PSD3: variants seen among roughly 807,000 people sequenced by gnomAD.
PSD3 encodes the protein PH and SEC7 domain-containing protein 3.
In PSD3, 49 loss-of-function variants were observed where a neutral mutation model predicts 105.5. That is an observed-to-expected ratio of 0.46 (90% CI 0.37 to 0.59). The LOEUF (loss-of-function observed/expected upper bound fraction) is 0.59, where lower values mean the gene tolerates loss of function less well. Among genes scored for constraint, PSD3 ranks in the 20% least tolerant of loss-of-function variants. The probability of loss-of-function intolerance (pLI) is 0.00; values close to 1 mark genes in which losing one functional copy is unlikely to be tolerated. For synonymous variants in PSD3, 557 were observed against 457.8 expected, an observed-to-expected ratio of 1.22 and a Z score of -2.77; for missense variants, 1,561 against 1,263.8, an observed-to-expected ratio of 1.24 and a Z score of -3.57.
At chr8:18,694,100 T>C (rs1389658939) in intron 9 of PSD3, among the ~76,000 whole-genome samples, 1 of 152,164 alleles carries the variant, frequency 6.6e-6, no homozygotes, top group Non-Finnish European at 1.5e-5. Context: ...GTGTTTTGTT[T>C]CAGTGACAAA....
intron 12 of PSD3, among the ~76,000 whole-genome samples, chr8:18,583,496 A>T (rs1802955461): frequency 6.6e-6 from 1 of 152,164 alleles, no homozygotes; most frequent in African/African-American, 2.4e-5. Context: ...AACTGCTCTA[A>T]GATAAAGTCT....
intron 12 of PSD3, among the ~76,000 whole-genome samples, chr8:18,599,566 CCCCCAGTGGA>C (rs1804283407): frequency 6.6e-6 from 1 of 152,142 alleles, no homozygotes; most frequent in Non-Finnish European, 1.5e-5. Flanking sequence ...TATTCTAAGA[CCCCCAGTGGA>C]CGCCTGAAAT....
intron 10 of PSD3, among the ~76,000 whole-genome samples, chr8:18,647,468 T>A (rs537355048): frequency 3.1e-4 from 47 of 152,330 alleles, no homozygotes; most frequent in Admixed American, 1.6e-3. Context: ...TATTCCACGA[T>A]GCAAAGTTGT....
At chr8:18,773,780 C>G (rs1355088635) in intron 8 of PSD3, among the ~76,000 whole-genome samples, 1 of 152,104 alleles carries the variant, frequency 6.6e-6, no homozygotes, top group African/African-American at 2.4e-5. Flanking sequence ...CATTTCTTTA[C>G]ATACATATAC....
chr8:18,722,568 C>T (rs1458174760), intron 9 of PSD3, among the ~76,000 whole-genome samples: 1 of 152,140 alleles, frequency 6.6e-6, no homozygotes, highest in Non-Finnish European at 1.5e-5. Context: ...ATTTCCTCCC[C>T]CTTCATTTCC....
At chr8:18,816,798 G>C (rs980176355) in intron 4 of PSD3, among the ~76,000 whole-genome samples, 15 of 152,074 alleles carry the variant, frequency 9.9e-5, no homozygotes, top group African/African-American at 3.4e-4. Flanking sequence ...GTAAATATTA[G>C]GTCTAATAAA....
intron 11 of PSD3, among the ~76,000 whole-genome samples, chr8:18,624,689 A>AG (rs1806355218): frequency 6.6e-6 from 1 of 151,244 alleles, no homozygotes; most frequent in African/African-American, 2.4e-5. Context: ...AGTATTAAAA[A>AG]AAAAAGAATA....
At chr8:18,810,162 T>C (rs1053740292) in intron 4 of PSD3, among the ~76,000 whole-genome samples, 31 of 152,328 alleles carry the variant, frequency 2.0e-4, no homozygotes, top group African/African-American at 7.5e-4. Context: ...CCAAATTCTG[T>C]GAACTCTTAG....
chr8:18,626,753 T>C (rs1806510773), intron 11 of PSD3, among the ~76,000 whole-genome samples: 2 of 152,214 alleles, frequency 1.3e-5, no homozygotes, highest in South Asian at 2.1e-4. Flanking sequence ...AGCAGCCAAA[T>C]AGTTAGATAA....
At chr8:18,979,188 T>C (rs991320478) in intron 1 of PSD3, among the ~76,000 whole-genome samples, 2 of 151,984 alleles carry the variant, frequency 1.3e-5, no homozygotes, top group African/African-American at 4.8e-5. Flanking sequence ...GGCCAGCACA[T>C]AGCCATCTTT....
chr8:18,573,072 T>G (rs1436015639), intron 13 of PSD3, among the ~76,000 whole-genome samples: 1 of 152,226 alleles, frequency 6.6e-6, no homozygotes, highest in East Asian at 1.9e-4. Context: ...GTAAAAGGAT[T>G]TATCTACTTT....
intron 1 of PSD3, among the ~76,000 whole-genome samples, chr8:19,080,100 G>C (rs1829594769): frequency 6.6e-6 from 1 of 152,118 alleles, no homozygotes; most frequent in Admixed American, 6.5e-5. Context: ...ATGTTGGCAG[G>C]CTGAACTCAG....
chr8:18,838,616 A>G (rs1020968807), intron 4 of PSD3, among the ~76,000 whole-genome samples: 1 of 151,882 alleles, frequency 6.6e-6, no homozygotes, highest in Non-Finnish European at 1.5e-5. Context: ...CCTGGTTCAC[A>G]TGGTGAAACC....
At chr8:18,607,683 C>CA (rs755375836) in intron 11 of PSD3, among the ~76,000 whole-genome samples, 34,172 of 78,072 alleles carry the variant, frequency 0.44, 7,511 homozygotes, top group East Asian at 0.53. Context: ...TCCACTGCTA[C>CA]AAAAAAAAAA....
intron 15 of PSD3, among the ~76,000 whole-genome samples, chr8:18,550,741 T>C (rs1284704904): frequency 6.6e-6 from 1 of 152,052 alleles, no homozygotes; most frequent in African/African-American, 2.4e-5. Flanking sequence ...AGTTGAAAAA[T>C]TGTAAGTCAA....
At chr8:18,935,551 G>C (rs890678020) in intron 2 of PSD3, among the ~76,000 whole-genome samples, 2 of 150,826 alleles carry the variant, frequency 1.3e-5, no homozygotes, top group Non-Finnish European at 3.0e-5. Flanking sequence ...TTTTTAATTA[G>C]TCAGGTGTGG....
Position 18,954,659 on chromosome 8 carries a change from G to A in PSD3, c.22-18517C>T, listed in dbSNP as rs1014286665. Among the ~76,000 whole-genome samples the A allele has an allele frequency of 3.3e-5, 5 of 152,148 alleles. No individual in the cohort carries two copies. In the East Asian group the frequency reaches 7.7e-4, roughly 23 times the overall value. ...GGGATGCACAAAGTAACATCCTGAT[G>A]TAGTATTTGTCTAGCTTCAAGTCCA... On this transcript the variant is annotated intron_variant, in intron 1 of 15. Transcript: ENST00000327040.
At chr8:18,957,010 C>A (rs190445723) in intron 1 of PSD3, among the ~76,000 whole-genome samples, 7 of 152,274 alleles carry the variant, frequency 4.6e-5, no homozygotes, top group African/African-American at 1.7e-4. Flanking sequence ...GAAATCTTAA[C>A]TACTTATTCA....
intron 9 of PSD3, among the ~76,000 whole-genome samples, chr8:18,662,552 G>A (rs556627356): frequency 3.3e-5 from 5 of 152,242 alleles, no homozygotes; most frequent in South Asian, 2.1e-4. Context: ...AATTTGAAAC[G>A]GGTGGGTGGG....
Sources: allele counts gnomAD v4.1 joint callset (sites outside exome capture counted in the v4.1 genomes callset), GRCh38; gene constraint gnomAD v4.1.1; transcripts MANE v1.5; gene names NCBI Gene and HGNC (gene_info 2026-07-23, HGNC 2026-07-21).